Variants in KCNIP1 observed in about 807,000 individuals in gnomAD.
KCNIP1 encodes the protein potassium voltage-gated channel interacting protein 1.
Under a neutral mutation model 33.0 loss-of-function variants are expected in KCNIP1, and 18 were observed. The ratio of observed to expected loss-of-function variants is 0.55; its 90% CI spans 0.38 to 0.81. The LOEUF (loss-of-function observed/expected upper bound fraction) is 0.81. Among genes scored for constraint, KCNIP1 ranks in the 30% least tolerant of loss-of-function variants. The pLI, the probability that KCNIP1 is intolerant of heterozygous loss-of-function variation, is 0.00. For missense variants in KCNIP1, 238 were observed against 271.6 expected (o/e 0.88, Z 0.87); for synonymous variants, 93 against 98.3 (o/e 0.95, Z 0.32).
intron 1 of KCNIP1, among the ~76,000 whole-genome samples, chr5:170,491,905 G>A (rs1225438528): frequency 6.6e-6 from 1 of 152,186 alleles, no homozygotes; most frequent in African/African-American, 2.4e-5. Context: ...GGCATATAAA[G>A]GCCCTCTGAC....
At chr5:170,365,241 C>G (rs527809372) in intron 1 of KCNIP1, among the ~76,000 whole-genome samples, 2 of 152,250 alleles carry the variant, frequency 1.3e-5, no homozygotes, top group East Asian at 1.9e-4. Context: ...GCAGAGCTGG[C>G]CTTGAATCTG....
intron 1 of KCNIP1, among the ~76,000 whole-genome samples, chr5:170,547,593 T>G (rs1756462959): frequency 1.3e-5 from 2 of 152,202 alleles, no homozygotes; most frequent in Admixed American, 1.3e-4. Context: ...TCTCATCATT[T>G]AGCTCACACT....
chr5:170,459,319 A>G (rs1030084585), intron 1 of KCNIP1, among the ~76,000 whole-genome samples: 3 of 152,326 alleles, frequency 2.0e-5, no homozygotes, highest in East Asian at 3.9e-4. Context: ...AATGGATTTA[A>G]AGTATATCCT....
intron 1 of KCNIP1, among the ~76,000 whole-genome samples, chr5:170,387,435 C>T (rs1231693898): frequency 2.6e-5 from 4 of 152,144 alleles, no homozygotes; most frequent in Admixed American, 6.5e-5. Context: ...CCCTCATACC[C>T]GGGCATCTCC....
chr5:170,434,682 C>T (rs370573647), intron 1 of KCNIP1, among the ~76,000 whole-genome samples: 2 of 152,244 alleles, frequency 1.3e-5, no homozygotes, highest in East Asian at 1.9e-4. Context: ...GGGCCTGGTG[C>T]GCTGGCTCAT....
chr5:170,731,039 G>T (rs1036433188), intron 5 of KCNIP1, among the ~76,000 whole-genome samples: 2 of 152,084 alleles, frequency 1.3e-5, no homozygotes, highest in African/African-American at 4.8e-5. Flanking sequence ...CCTTACAGAA[G>T]AATTGTAATT....
At chr5:170,355,916 C>T (rs11134625) in intron 1 of KCNIP1, among the ~76,000 whole-genome samples, 48,084 of 152,120 alleles carry the variant, frequency 0.32, 8,950 homozygotes, top group African/African-American at 0.51. Context: ...GTCTTAACCG[C>T]ATCTGTCTTC....
chr5:170,443,100 G>A (rs1756030352), intron 1 of KCNIP1, among the ~76,000 whole-genome samples: 1 of 152,148 alleles, frequency 6.6e-6, no homozygotes, highest in African/African-American at 2.4e-5. Flanking sequence ...GTCAGAGAGG[G>A]TCTAAAGCAG....
intron 1 of KCNIP1, among the ~76,000 whole-genome samples, chr5:170,362,891 C>T (rs1472849648): frequency 6.6e-6 from 1 of 152,208 alleles, no homozygotes; most frequent in Admixed American, 6.5e-5. Flanking sequence ...AGCTTGGAGC[C>T]GGCTATCACC....
chr5:170,456,701 T>TTTTCTTTTTCTTTC (rs1554093875), intron 1 of KCNIP1, among the ~76,000 whole-genome samples: 9 of 135,680 alleles, frequency 6.6e-5, no homozygotes, highest in Non-Finnish European at 1.4e-4. Context: ...CTCTCTCTCT[T>TTTTCTTTTTCTTTC]TTTCTTTCTT....
At chr5:170,478,467 G>A (rs765092357) in intron 1 of KCNIP1, among the ~76,000 whole-genome samples, 1 of 151,976 alleles carries the variant, frequency 6.6e-6, no homozygotes, top group Non-Finnish European at 1.5e-5. Flanking sequence ...ATGGAGTGTA[G>A]ATCCCTCGGG....
At chr5:170,494,336 C>T (rs935526658) in intron 1 of KCNIP1, among the ~76,000 whole-genome samples, 3 of 152,180 alleles carry the variant, frequency 2.0e-5, no homozygotes, top group Non-Finnish European at 4.4e-5. Flanking sequence ...TTGATACAGG[C>T]CAGCCCAATG....
intron 1 of KCNIP1, among the ~76,000 whole-genome samples, chr5:170,553,067 C>T (rs951101475): frequency 2.0e-5 from 3 of 152,212 alleles, no homozygotes; most frequent in East Asian, 3.9e-4. Flanking sequence ...AGCTGCGGCC[C>T]GTGCCTGGGG....
At chr5:170,595,025 A>G (rs530904452) in intron 1 of KCNIP1, among the ~76,000 whole-genome samples, 7 of 152,258 alleles carry the variant, frequency 4.6e-5, no homozygotes, top group African/African-American at 1.7e-4. Flanking sequence ...AACTCAGTCA[A>G]CACAGGTCCC....
intron 1 of KCNIP1, chr5:170,376,757 TA>T (rs1291695197): frequency 6.6e-6 from 1 of 152,170 alleles, no homozygotes; most frequent in African/African-American, 2.4e-5. Context: ...ACATTTTCTT[TA>T]ATAATGGGTA....
intron 1 of KCNIP1, among the ~76,000 whole-genome samples, chr5:170,508,603 T>C (rs1050332360): frequency 2.0e-5 from 3 of 152,264 alleles, no homozygotes; most frequent in Non-Finnish European, 4.4e-5. Context: ...CTAGTTTCTT[T>C]ATCTGCAAAA....
chr5:170,564,464 T>A (rs1757139632), intron 1 of KCNIP1, among the ~76,000 whole-genome samples: 1 of 152,206 alleles, frequency 6.6e-6, no homozygotes, highest in Non-Finnish European at 1.5e-5. Flanking sequence ...ACCGAGCTGT[T>A]AGGCACTGAC....
Position 170,598,459 on chromosome 5 carries a change from TTAAC to T in KCNIP1, c.61+93829_61+93832del, listed in dbSNP as rs1397393961. Among the ~76,000 whole-genome samples the T allele has an allele frequency of 2.6e-5, 4 of 152,246 alleles. No individual in the cohort carries two copies. The East Asian group carries it at 5.8e-4, about 22-fold the overall frequency. The stretch of plus-strand genomic sequence containing the variant: ...GTTGGATAGCCTGGGTTCAAATTCT[TTAAC>T]TACCATTTTCTGGCCAACCCATTCT... On this transcript the variant is annotated intron_variant, in intron 1 of 7. Transcript: ENST00000328939.
Position 170,388,020 on chromosome 5 carries a change from C to G in KCNIP1, c.88+34056C>G, listed in dbSNP as rs536272919. 2.9e-3 allele frequency among the ~76,000 whole-genome samples: 407 copies of G among 141,572 alleles called. 4 individuals carry two copies. The highest frequency in any genetic ancestry group is 4.5e-3 in the Non-Finnish European group (304 of 67,162). 92.9% of individuals were successfully genotyped at this position (141,572 alleles called of 152,430 possible). A position where few individuals can be genotyped will look rare whatever the true frequency, so the allele number is the denominator to read the frequency against. On this transcript the variant is annotated intron_variant, in intron 1 of 7. Transcript: ENST00000377360. ...TGTGGCTCCTTCCTGGCTAATCAGC[C>G]CCCCCCAGCGCCCAGGGCCATGGCC... is the stretch of plus-strand genomic sequence containing the variant.
Sources: allele counts gnomAD v4.1 joint callset (sites outside exome capture counted in the v4.1 genomes callset), GRCh38; gene constraint gnomAD v4.1.1; transcripts MANE v1.5; gene names NCBI Gene and HGNC (gene_info 2026-07-23, HGNC 2026-07-21).